Variants in SMARCAD1 observed in about 807,000 individuals in gnomAD.
SMARCAD1 encodes SWI/SNF-related matrix-associated actin-dependent regulator of chromatin subfamily A containing DEAD/H box 1.
In SMARCAD1, 25 loss-of-function variants were observed where a neutral mutation model predicts 127.1. That is an observed-to-expected ratio of 0.20 (90% CI 0.14 to 0.27). The LOEUF (loss-of-function observed/expected upper bound fraction) is 0.27. Ranked by LOEUF, SMARCAD1 falls within the 10% of genes least tolerant of loss-of-function variation. SMARCAD1 has a pLI of 1.00. For synonymous variants in SMARCAD1, 400 were observed against 396.9 expected (o/e 1.01, Z -0.09); for missense variants, 807 against 1,206.0 (o/e 0.67, Z 4.90).
chr4:94,261,940 A>G (rs1751053010), intron 9 of SMARCAD1, among the ~76,000 whole-genome samples: 1 of 152,176 alleles, frequency 6.6e-6, no homozygotes, highest in African/African-American at 2.4e-5. Flanking sequence ...TTAAAACTTA[A>G]CACTTCACTT....
intron 6 of SMARCAD1, among the ~76,000 whole-genome samples, chr4:94,242,116 C>G (rs906419247): frequency 6.6e-6 from 1 of 152,052 alleles, no homozygotes; most frequent in Non-Finnish European, 1.5e-5. Context: ...TCACTGCAAC[C>G]TCCACTTCCC....
rs1315331547 is a variant in SMARCAD1, at chr4:94,291,104, T to G, written c.*1570T>G. 4.4e-6 allele frequency: 2 copies of G among 449,444 alleles called. No individual in the cohort carries two copies. The highest frequency in any genetic ancestry group is 8.9e-6 in the Non-Finnish European group (2 of 225,534). The allele number at this position is 449,444 out of a possible 1,614,324, so 27.8% of individuals were successfully genotyped here. On this transcript the variant is annotated 3_prime_UTR_variant, in exon 24 of 24. Coordinates refer to ENST00000354268, the MANE Select transcript of SMARCAD1 (RefSeq NM_020159.5). ...TATTCAAATTGTTAGGAATTTTACC[T>G]TTTAAAATCTCATAATGGATATCTC...
chr4:94,213,373 A>G (rs1303030945), intron 2 of SMARCAD1, among the ~76,000 whole-genome samples: 2 of 152,154 alleles, frequency 1.3e-5, no homozygotes, highest in Non-Finnish European at 2.9e-5. Context: ...AGTTGAAAAT[A>G]TATGTTGCCT....
Position 94,208,466 on chromosome 4 carries a change from C to T in SMARCAD1, c.72C>T (p.Thr24=). 6.2e-7 allele frequency: 1 copy of T among 1,614,100 alleles called. No individual in the cohort carries two copies. Among genetic ancestry groups the T allele is most frequent in the Non-Finnish European group, 8.5e-7 (1 of 1,180,002 alleles). The change falls in exon 2 of 24, where the codon ACC becomes ACT. Residue 24 remains threonine (T), a synonymous_variant. Coordinates refer to ENST00000354268, the MANE Select transcript of SMARCAD1 (RefSeq NM_020159.5). ...RNKIEEAPEA[T]PQPSQPGPSS... ...AGATTGAGGAAGCGCCCGAAGCAACCCCTCAACCTTCCCAGCCTGGCCCTT... is the reference window on the plus strand; with the variant it reads ...AGATTGAGGAAGCGCCCGAAGCAACTCCTCAACCTTCCCAGCCTGGCCCTT...
chr4:94,288,880 T>A (rs777628792), intron 23 of SMARCAD1, among the ~76,000 whole-genome samples: 8 of 152,254 alleles, frequency 5.3e-5, no homozygotes, highest in Middle Eastern at 3.4e-3. Flanking sequence ...ACAAAGAGAT[T>A]TAGAAAATCT....
intron 6 of SMARCAD1, among the ~76,000 whole-genome samples, chr4:94,244,458 T>A (rs888782306): frequency 6.6e-6 from 1 of 152,192 alleles, no homozygotes; most frequent in Admixed American, 6.5e-5. Flanking sequence ...TAAACAAATA[T>A]CTGTTATGAA....
intron 6 of SMARCAD1, among the ~76,000 whole-genome samples, chr4:94,242,391 C>T (rs1747729382): frequency 6.6e-6 from 1 of 152,064 alleles, no homozygotes; most frequent in Non-Finnish European, 1.5e-5. Flanking sequence ...CAATGTACCT[C>T]TTCCCCAGAC....
chr4:94,231,333 G>A (rs1401844436), intron 3 of SMARCAD1, among the ~76,000 whole-genome samples: 2 of 152,198 alleles, frequency 1.3e-5, no homozygotes, highest in African/African-American at 4.8e-5. Flanking sequence ...GCAGAGTCTT[G>A]TAGATGTAGA....
At chr4:94,210,878 G>A (rs1257445344) in intron 2 of SMARCAD1, among the ~76,000 whole-genome samples, 1 of 133,988 alleles carries the variant, frequency 7.5e-6, no homozygotes, top group Non-Finnish European at 1.5e-5. Context: ...AGGTTGCAGT[G>A]AGCCTAGATC....
chr4:94,256,306 T>C (rs1391015912), intron 9 of SMARCAD1, among the ~76,000 whole-genome samples: 1 of 152,134 alleles, frequency 6.6e-6, no homozygotes, highest in East Asian at 1.9e-4. Context: ...TGTCACACAC[T>C]GTGCTCCTCA....
chr4:94,225,781 G>T (rs1315985837), intron 2 of SMARCAD1, among the ~76,000 whole-genome samples: 1 of 152,144 alleles, frequency 6.6e-6, no homozygotes. Flanking sequence ...TGAAGAGGTG[G>T]GATTGGAATC....
chr4:94,251,861 A>AT (rs1428060233), intron 8 of SMARCAD1, among the ~76,000 whole-genome samples: 2 of 151,244 alleles, frequency 1.3e-5, no homozygotes, highest in Non-Finnish European at 3.0e-5. Context: ...TTTATTTTTT[A>AT]TTTTTTTTGA....
At chr4:94,225,626 A>G (rs1171865311) in intron 2 of SMARCAD1, among the ~76,000 whole-genome samples, 1 of 152,190 alleles carries the variant, frequency 6.6e-6, no homozygotes, top group Non-Finnish European at 1.5e-5. Flanking sequence ...CATAAGAGCT[A>G]ATATTTATGG....
At chr4:94,215,648 G>A (rs976290689) in intron 2 of SMARCAD1, among the ~76,000 whole-genome samples, 10 of 144,374 alleles carry the variant, frequency 6.9e-5, no homozygotes, top group Admixed American at 3.5e-4. Context: ...GGAGGAGGGG[G>A]ATAGAAATAT....
At position 94,222,269 on chromosome 4, in the gene SMARCAD1, T is replaced by A. The variant is rs1744264623; in HGVS notation, c.191-3850T>A. On this transcript the variant is annotated intron_variant, in intron 2 of 23. Coordinates refer to ENST00000354268, the MANE Select transcript of SMARCAD1 (RefSeq NM_020159.5). ...ATTACTTCAATATATTATGTTAATATGTGAAATGTTTGGTTTTAAGTAAAT... is the reference window on the plus strand; with the variant it reads ...ATTACTTCAATATATTATGTTAATAAGTGAAATGTTTGGTTTTAAGTAAAT... Among the ~76,000 whole-genome samples, 2 of 152,268 alleles carry A rather than the reference T, an allele frequency of 1.3e-5. 1 individual carries two copies. Among genetic ancestry groups the A allele is most frequent in the Admixed American group, 1.3e-4 (2 of 15,280 alleles).
chr4:94,219,985 A>G (rs1251182584), intron 2 of SMARCAD1, among the ~76,000 whole-genome samples: 3 of 152,098 alleles, frequency 2.0e-5, no homozygotes, highest in Admixed American at 6.5e-5. Flanking sequence ...GCTTTTCACT[A>G]TTCTTTCCTC....
At chr4:94,288,754 T>C (rs1458224822) in intron 23 of SMARCAD1, among the ~76,000 whole-genome samples, 1 of 152,162 alleles carries the variant, frequency 6.6e-6, no homozygotes, top group Non-Finnish European at 1.5e-5. Flanking sequence ...TCAGCAAATA[T>C]TTGAATTGCC....
chr4:94,256,723 C>G (rs2902979), intron 9 of SMARCAD1, among the ~76,000 whole-genome samples: 57,456 of 151,978 alleles, frequency 0.38, 11,880 homozygotes, highest in East Asian at 0.71. Flanking sequence ...CCACTTAAAG[C>G]ATGGTAATAC....
intron 3 of SMARCAD1, among the ~76,000 whole-genome samples, chr4:94,232,147 G>A (rs1745940897): frequency 6.6e-6 from 1 of 152,192 alleles, no homozygotes; most frequent in Admixed American, 6.5e-5. Flanking sequence ...ACAGGTGTGA[G>A]CCACTGCACC....
Sources: allele counts gnomAD v4.1 joint callset (sites outside exome capture counted in the v4.1 genomes callset), GRCh38; gene constraint gnomAD v4.1.1; transcripts MANE v1.5; gene names NCBI Gene and HGNC (gene_info 2026-07-23, HGNC 2026-07-21).